The following ULK4 variants were observed in gnomAD, a reference collection of about 807,000 sequenced individuals.
ULK4 encodes the protein unc-51 like kinase 4, also known as inactive serine/threonine-protein kinase ULK4.
In ULK4, 133 loss-of-function variants were observed where a neutral mutation model predicts 160.6. That is an observed-to-expected ratio of 0.83 (90% CI 0.72 to 0.96). The LOEUF (loss-of-function observed/expected upper bound fraction) is 0.96, where lower values mean the gene tolerates loss of function less well. Ranked by LOEUF, ULK4 falls within the 40% of genes least tolerant of loss-of-function variation. ULK4 has a pLI of 0.00. For missense variants in ULK4, 1,580 were observed against 1,499.5 expected, an observed-to-expected ratio of 1.05 and a Z score of -0.89; for synonymous variants, 534 against 539.8, an observed-to-expected ratio of 0.99 and a Z score of 0.15.
chr3:41,577,426 C>T (rs910797165), intron 31 of ULK4, among the ~76,000 whole-genome samples: 5 of 152,234 alleles, frequency 3.3e-5, no homozygotes, highest in East Asian at 1.9e-4. Context: ...ATAATAATCA[C>T]GTCAGGGGAA....
intron 21 of ULK4, among the ~76,000 whole-genome samples, chr3:41,787,565 T>C (rs927596953): frequency 6.6e-6 from 1 of 152,168 alleles, no homozygotes; most frequent in African/African-American, 2.4e-5. Flanking sequence ...AAATAGAAGA[T>C]TCAAATAACA....
chr3:41,786,942 G>A (rs1457432548), intron 21 of ULK4, among the ~76,000 whole-genome samples: 1 of 152,000 alleles, frequency 6.6e-6, no homozygotes, highest in Non-Finnish European at 1.5e-5. Context: ...TCCCAGATTG[G>A]GTGCTGAAAA....
intron 30 of ULK4, among the ~76,000 whole-genome samples, chr3:41,618,616 T>C (rs1179952549): frequency 1.3e-5 from 2 of 152,118 alleles, no homozygotes; most frequent in Non-Finnish European, 2.9e-5. Context: ...CAGGAGCTCC[T>C]GAAGGAAGCA....
At chr3:41,566,642 G>A (rs973386171) in intron 31 of ULK4, among the ~76,000 whole-genome samples, 1 of 152,134 alleles carries the variant, frequency 6.6e-6, no homozygotes, top group Non-Finnish European at 1.5e-5. Context: ...TCAACACTTA[G>A]CATCATATAG....
chr3:41,273,819 C>A (rs1253135767), intron 35 of ULK4, among the ~76,000 whole-genome samples: 1 of 152,016 alleles, frequency 6.6e-6, no homozygotes, highest in South Asian at 2.1e-4. Context: ...CCAGAATGGA[C>A]TGGTTCCTGT....
chr3:41,803,563 C>T (rs2040535137), intron 19 of ULK4, among the ~76,000 whole-genome samples: 1 of 152,010 alleles, frequency 6.6e-6, no homozygotes, highest in Admixed American at 6.6e-5. Context: ...TATACATGTG[C>T]CATGCTGGTG....
Position 41,677,993 on chromosome 3 carries a change from G to GAGACCTGT in ULK4, c.2978+3514_2978+3515insACAGGTCT, listed in dbSNP as rs1453420869. Among the ~76,000 whole-genome samples the GAGACCTGT allele has an allele frequency of 1.3e-4, 20 of 152,206 alleles. No individual in the cohort carries two copies. The Middle Eastern group carries it at 0.01, about 78-fold the overall frequency. ...CCTGACTGCCTTGAACTGGGACACA[G>GAGACCTGT]GTCTTTGCCTTTGAACTGGAACAGA... On this transcript the variant is annotated intron_variant, in intron 29 of 36. Coordinates refer to ENST00000301831, the MANE Select transcript of ULK4 (RefSeq NM_017886.4).
intron 32 of ULK4, among the ~76,000 whole-genome samples, chr3:41,473,473 C>A (rs781276891): frequency 4.2e-4 from 64 of 151,638 alleles, no homozygotes; most frequent in Admixed American, 7.2e-4. Flanking sequence ...ACCAGCCTGG[C>A]CAACATGGTG....
intron 32 of ULK4, among the ~76,000 whole-genome samples, chr3:41,553,439 T>C (rs1296503036): frequency 2.0e-5 from 3 of 151,886 alleles, no homozygotes; most frequent in Admixed American, 2.0e-4. Flanking sequence ...AGAATTAAAA[T>C]AGACACTTCT....
intron 21 of ULK4, among the ~76,000 whole-genome samples, chr3:41,766,010 C>G (rs899174765): frequency 6.6e-6 from 1 of 152,178 alleles, no homozygotes; most frequent in Non-Finnish European, 1.5e-5. Flanking sequence ...GTGGCTCATG[C>G]CTTTAATCCC....
At chr3:41,546,750 T>C (rs2086875173) in intron 32 of ULK4, among the ~76,000 whole-genome samples, 1 of 143,874 alleles carries the variant, frequency 7.0e-6, no homozygotes, top group African/African-American at 2.7e-5. Flanking sequence ...TAGATTCTAC[T>C]TTCCTCCCTA....
chr3:41,579,722 G>C (rs564777512), intron 31 of ULK4, among the ~76,000 whole-genome samples: 1 of 151,906 alleles, frequency 6.6e-6, no homozygotes, highest in Non-Finnish European at 1.5e-5. Context: ...TCGATCTCCT[G>C]ACCTCGTGAT....
chr3:41,798,389 C>A (rs147847494), intron 20 of ULK4, among the ~76,000 whole-genome samples: 1 of 152,224 alleles, frequency 6.6e-6, no homozygotes, highest in African/African-American at 2.4e-5. Context: ...ATTATTAATA[C>A]CATAATTAGT....
intron 30 of ULK4, among the ~76,000 whole-genome samples, chr3:41,620,368 T>A (rs1349363356): frequency 6.6e-6 from 1 of 152,126 alleles, no homozygotes; most frequent in Non-Finnish European, 1.5e-5. Context: ...AAATCCTCAA[T>A]AAAATACTGG....
intron 31 of ULK4, among the ~76,000 whole-genome samples, chr3:41,594,339 C>A (rs1409289552): frequency 1.3e-5 from 2 of 152,048 alleles, no homozygotes; most frequent in African/African-American, 4.8e-5. Flanking sequence ...GAGTTTGAGG[C>A]CAGCCTGAGC....
At chr3:41,693,181 A>G (rs562318186) in intron 27 of ULK4, among the ~76,000 whole-genome samples, 2 of 152,326 alleles carry the variant, frequency 1.3e-5, no homozygotes, top group South Asian at 2.1e-4. Context: ...GTAACACACT[A>G]TTGGGAAGAC....
intron 1 of ULK4, among the ~76,000 whole-genome samples, chr3:41,957,903 C>T (rs1192191001): frequency 6.6e-6 from 1 of 151,664 alleles, no homozygotes; most frequent in African/African-American, 2.4e-5. Context: ...AATTAGCCAG[C>T]AGTGGTAGCC....
chr3:41,800,406 G>T, intron 19 of ULK4, 113 bp from the exon 20 acceptor site: 1 of 987,128 alleles, frequency 1.0e-6, no homozygotes, highest in Non-Finnish European at 1.5e-6. Flanking sequence ...GCCTCTGGAT[G>T]TGTTAGGCAA....
intron 32 of ULK4, among the ~76,000 whole-genome samples, chr3:41,513,262 C>G (rs1050934738): frequency 4.6e-5 from 7 of 152,154 alleles, no homozygotes; most frequent in Non-Finnish European, 8.8e-5. Context: ...AACCAACAAC[C>G]CAAAAGCAAA....
Sources: allele counts gnomAD v4.1 joint callset (sites outside exome capture counted in the v4.1 genomes callset), GRCh38; gene constraint gnomAD v4.1.1; transcripts MANE v1.5; gene names NCBI Gene and HGNC (gene_info 2026-07-23, HGNC 2026-07-21).